ESRRB: variants seen among roughly 807,000 people sequenced by gnomAD.
ESRRB encodes the protein estrogen related receptor beta, also known as steroid hormone receptor ERR2.
Under a neutral mutation model 46.0 loss-of-function variants are expected in ESRRB, and 16 were observed. The ratio of observed to expected loss-of-function variants is 0.35; its 90% CI spans 0.24 to 0.53. The LOEUF (loss-of-function observed/expected upper bound fraction) is 0.53, where lower values mean the gene tolerates loss of function less well. Ranked by LOEUF, ESRRB falls within the 20% of genes least tolerant of loss-of-function variation. The pLI, the probability that ESRRB is intolerant of heterozygous loss-of-function variation, is 0.93. For missense variants in ESRRB, 488 were observed against 607.4 expected, an observed-to-expected ratio of 0.80 and a Z score of 2.07; for synonymous variants, 246 against 259.6, an observed-to-expected ratio of 0.95 and a Z score of 0.50.
intron 1 of ESRRB, among the ~76,000 whole-genome samples, chr14:76,339,797 T>C (rs1032576487): frequency 3.3e-5 from 5 of 151,968 alleles, no homozygotes; most frequent in African/African-American, 1.2e-4. Context: ...CCAGGAATGG[T>C]TCAAAAGGCT....
intron 1 of ESRRB, among the ~76,000 whole-genome samples, chr14:76,354,647 G>C (rs1398078888): frequency 6.6e-6 from 1 of 150,422 alleles, no homozygotes; most frequent in South Asian, 2.1e-4. Flanking sequence ...TGACCCACAA[G>C]AACCCATGGG....
chr14:76,410,050 T>C (rs1323037355), intron 1 of ESRRB, among the ~76,000 whole-genome samples: 1 of 151,868 alleles, frequency 6.6e-6, no homozygotes, highest in Non-Finnish European at 1.5e-5. Flanking sequence ...ATGGTGAAAC[T>C]CCGTCTCTAC....
intron 3 of ESRRB, among the ~76,000 whole-genome samples, chr14:76,468,736 C>T (rs572193902): frequency 2.6e-5 from 4 of 152,152 alleles, no homozygotes; most frequent in Admixed American, 2.0e-4. Flanking sequence ...TCATCTTGCT[C>T]CCAATCTTCA....
chr14:76,490,476 C>A (rs1033042310), intron 5 of ESRRB, among the ~76,000 whole-genome samples: 2 of 152,168 alleles, frequency 1.3e-5, no homozygotes, highest in Admixed American at 1.3e-4. Context: ...GAATCATCGT[C>A]TCATTTAGAC....
At chr14:76,331,173 G>A (rs553293154) in intron 1 of ESRRB, among the ~76,000 whole-genome samples, 4 of 152,248 alleles carry the variant, frequency 2.6e-5, no homozygotes, top group African/African-American at 7.2e-5. Flanking sequence ...CACTTGCTGT[G>A]GACATTAGAA....
At chr14:76,364,465 G>T (rs1367185382) in intron 1 of ESRRB, among the ~76,000 whole-genome samples, 1 of 152,048 alleles carries the variant, frequency 6.6e-6, no homozygotes, top group East Asian at 1.9e-4. Context: ...GAGGTGGGTG[G>T]ATCACCTGAG....
intron 1 of ESRRB, among the ~76,000 whole-genome samples, chr14:76,413,163 G>T (rs1176578521): frequency 1.3e-5 from 2 of 152,160 alleles, no homozygotes; most frequent in South Asian, 2.1e-4. Flanking sequence ...AGAGCTGGGC[G>T]CAGGCAGTCA....
At chr14:76,462,504 G>C in intron 2 of ESRRB, 41 bp from the exon 3 acceptor site, 1 of 1,534,970 alleles carries the variant, frequency 6.5e-7, no homozygotes, top group Non-Finnish European at 9.0e-7. Flanking sequence ...GGGGGCCCTG[G>C]GCGGCCAGCA....
chr14:76,474,396 A>G (rs1889491524), intron 3 of ESRRB, among the ~76,000 whole-genome samples: 1 of 152,238 alleles, frequency 6.6e-6, no homozygotes. Context: ...TAACAGCTTT[A>G]TTGAAATATA....
intron 6 of ESRRB, among the ~76,000 whole-genome samples, chr14:76,492,405 A>T (rs752250596): frequency 6.6e-6 from 1 of 152,122 alleles, no homozygotes; most frequent in Non-Finnish European, 1.5e-5. Flanking sequence ...GGGCTCAAGC[A>T]ATCCTCTCAC....
In ESRRB at chr14:76,501,048, C is replaced by A; in HGVS notation, c.*2590C>A. On this transcript the variant is annotated 3_prime_UTR_variant, in exon 7 of 7. Transcript: ENST00000644823. ...GACCCTCTCCGGGGAAGGGAGAGGA[C>A]TGACTTAGTGGAAGGTGGTGAAGTG... 1 of 431,500 alleles carries A rather than the reference C, an allele frequency of 2.3e-6. No homozygotes were observed. The allele number at this position is 431,500 out of a possible 1,614,324, so 26.7% of individuals were successfully genotyped here.
At chr14:76,431,935 C>T (rs555844930) in intron 1 of ESRRB, among the ~76,000 whole-genome samples, 87 of 152,310 alleles carry the variant, frequency 5.7e-4, no homozygotes, top group Non-Finnish European at 9.8e-4. Flanking sequence ...CCCATGGCCA[C>T]CTGTGAAATC....
chr14:76,372,583 G>A (rs1884651377), upstream of ESRRB, among the ~76,000 whole-genome samples: 1 of 152,070 alleles, frequency 6.6e-6, no homozygotes, highest in African/African-American at 2.4e-5. Context: ...TATAATTCCA[G>A]CACTTTGGGA....
At chr14:76,317,084 G>A (rs2139722877) in intron 1 of ESRRB, among the ~76,000 whole-genome samples, 1 of 152,286 alleles carries the variant, frequency 6.6e-6, no homozygotes, top group East Asian at 1.9e-4. Flanking sequence ...CTTTTGAAAG[G>A]TGTCAAGTTA....
intron 1 of ESRRB, among the ~76,000 whole-genome samples, chr14:76,329,351 T>C (rs1045122540): frequency 8.5e-5 from 13 of 152,240 alleles, no homozygotes; most frequent in East Asian, 3.9e-4. Flanking sequence ...TCTCTCTGTG[T>C]GCCAGTTCCC....
chr14:76,442,398 C>T (rs1489562425), intron 2 of ESRRB, among the ~76,000 whole-genome samples: 1 of 152,086 alleles, frequency 6.6e-6, no homozygotes, highest in African/African-American at 2.4e-5. Context: ...ATCCCTTAAA[C>T]CCAGGAGGCA....
chr14:76,318,214 T>C (rs1267927698), intron 1 of ESRRB, among the ~76,000 whole-genome samples: 1 of 152,126 alleles, frequency 6.6e-6, no homozygotes, highest in Non-Finnish European at 1.5e-5. Flanking sequence ...GCCCAACACC[T>C]GGGCTCCAGG....
At chr14:76,464,757 A>T (rs2139996509) in intron 3 of ESRRB, among the ~76,000 whole-genome samples, 1 of 152,274 alleles carries the variant, frequency 6.6e-6, no homozygotes, top group Non-Finnish European at 1.5e-5. Context: ...GACCCAAACT[A>T]GTGGCTGAAC....
chr14:76,496,394 G>A (rs756253061), intron 6 of ESRRB, among the ~76,000 whole-genome samples: 2 of 152,180 alleles, frequency 1.3e-5, no homozygotes, highest in African/African-American at 4.8e-5. Flanking sequence ...GAGACGGTTC[G>A]GTAGGATGGG....
Sources: allele counts gnomAD v4.1 joint callset (sites outside exome capture counted in the v4.1 genomes callset), GRCh38; gene constraint gnomAD v4.1.1; transcripts MANE v1.5; gene names NCBI Gene and HGNC (gene_info 2026-07-23, HGNC 2026-07-21).